ROBO2: variants seen among roughly 807,000 people sequenced by gnomAD.
The protein encoded by ROBO2 is roundabout homolog 2.
A neutral mutation model predicts 160.8 loss-of-function variants in ROBO2; 53 were observed. The ratio of observed to expected loss-of-function variants is 0.33; its 90% CI spans 0.26 to 0.41. The LOEUF is 0.41. Among genes scored for constraint, ROBO2 ranks in the 10% least tolerant of loss-of-function variants. The pLI, the probability that ROBO2 is intolerant of heterozygous loss-of-function variation, is 1.00. For missense variants in ROBO2, 1,577 were observed against 1,722.4 expected, an observed-to-expected ratio of 0.92 and a Z score of 1.49; for synonymous variants, 664 against 611.7, an observed-to-expected ratio of 1.09 and a Z score of -1.26.
chr3:77,098,568 C>T lies in ROBO2; in HGVS notation c.388+228C>T, dbSNP rs941696628. Among the ~76,000 whole-genome samples, 5 of 152,216 alleles carry T rather than the reference C, an allele frequency of 3.3e-5. No individual in the cohort carries two copies. In the South Asian group the frequency reaches 8.3e-4, roughly 25 times the overall value. ...CAATATGTTATTATAAGAAAGCAGGCCGGGCGCGGTGGCTCACGCCTGTAA... is the reference window on the plus strand; with the variant it reads ...CAATATGTTATTATAAGAAAGCAGGTCGGGCGCGGTGGCTCACGCCTGTAA... On this transcript the variant is annotated intron_variant, in intron 2 of 25. Transcript: ENST00000461745.
At chr3:77,344,202 A>G (rs1016929182) in intron 2 of ROBO2, among the ~76,000 whole-genome samples, 1 of 152,156 alleles carries the variant, frequency 6.6e-6, no homozygotes, top group Non-Finnish European at 1.5e-5. Flanking sequence ...GAATGACAAA[A>G]AAGAGTCAGC....
intron 2 of ROBO2, among the ~76,000 whole-genome samples, chr3:77,185,474 C>T (rs745316162): frequency 8.6e-5 from 13 of 151,892 alleles, no homozygotes; most frequent in Non-Finnish European, 1.3e-4. Flanking sequence ...TGTAATACCA[C>T]GTTAGTCCTG....
At chr3:76,030,384 ATCT>A (rs2066881483) in intron 2 of ROBO2, among the ~76,000 whole-genome samples, 1 of 151,974 alleles carries the variant, frequency 6.6e-6, no homozygotes, top group African/African-American at 2.4e-5. Flanking sequence ...GATCCCATTC[ATCT>A]ATCTTGGCTT....
intron 2 of ROBO2, among the ~76,000 whole-genome samples, chr3:77,425,960 G>A (rs576693997): frequency 1.3e-5 from 2 of 152,162 alleles, no homozygotes; most frequent in South Asian, 4.1e-4. Flanking sequence ...ACAGCGCCCA[G>A]CCCCTTAATA....
intron 2 of ROBO2, among the ~76,000 whole-genome samples, chr3:76,989,904 C>A (rs1227616368): frequency 6.6e-6 from 1 of 152,058 alleles, no homozygotes; most frequent in Non-Finnish European, 1.5e-5. Flanking sequence ...AGTTGTGTTT[C>A]TTTTACACTT....
At chr3:76,285,877 T>C (rs1258860209) in intron 2 of ROBO2, among the ~76,000 whole-genome samples, 1 of 152,198 alleles carries the variant, frequency 6.6e-6, no homozygotes, top group African/African-American at 2.4e-5. Flanking sequence ...GTTTTCCGTG[T>C]TCTTGTATAC....
intron 2 of ROBO2, among the ~76,000 whole-genome samples, chr3:76,178,469 C>G (rs1289254920): frequency 6.6e-6 from 1 of 152,022 alleles, no homozygotes; most frequent in Non-Finnish European, 1.5e-5. Flanking sequence ...TTTTGTGAAG[C>G]TTATTATACA....
At chr3:76,711,710 G>GT (rs1315342577) in intron 2 of ROBO2, among the ~76,000 whole-genome samples, 1 of 152,160 alleles carries the variant, frequency 6.6e-6, no homozygotes, top group Non-Finnish European at 1.5e-5. Context: ...GCAAGAGTCA[G>GT]TTTTCATCAT....
chr3:75,940,416 A>T (rs144541119), intron 2 of ROBO2, among the ~76,000 whole-genome samples: 1 of 152,128 alleles, frequency 6.6e-6, no homozygotes, highest in African/African-American at 2.4e-5. Context: ...AAGTAAGTCA[A>T]TGATCCTTGT....
At chr3:76,156,629 A>G (rs1370231678) in intron 2 of ROBO2, among the ~76,000 whole-genome samples, 1 of 152,248 alleles carries the variant, frequency 6.6e-6, no homozygotes, top group Non-Finnish European at 1.5e-5. Flanking sequence ...GCTCAATAAC[A>G]GCCTTAACAA....
At chr3:77,082,922 A>C (rs974303808) in intron 1 of ROBO2, among the ~76,000 whole-genome samples, 1 of 152,094 alleles carries the variant, frequency 6.6e-6, no homozygotes, top group Non-Finnish European at 1.5e-5. Context: ...ACTCACACCA[A>C]ATGGAAAAAA....
chr3:76,987,836 AT>A (rs982317133), intron 2 of ROBO2, among the ~76,000 whole-genome samples: 7 of 151,292 alleles, frequency 4.6e-5, no homozygotes, highest in Admixed American at 1.3e-4. Flanking sequence ...GTTTACGAGA[AT>A]TTTTTTTTGC....
chr3:76,115,958 G>T (rs879488477), intron 2 of ROBO2, among the ~76,000 whole-genome samples: 1 of 152,084 alleles, frequency 6.6e-6, no homozygotes, highest in African/African-American at 2.4e-5. Flanking sequence ...AAAATTTAAT[G>T]CAGACATTTT....
intron 2 of ROBO2, among the ~76,000 whole-genome samples, chr3:76,190,878 A>G (rs1162416547): frequency 6.6e-6 from 1 of 152,136 alleles, no homozygotes. Context: ...TTATTTAGGT[A>G]GTTAATTTAT....
At chr3:76,119,916 C>CCCTTCCTT (rs551169822) in intron 2 of ROBO2, among the ~76,000 whole-genome samples, 4,256 of 87,976 alleles carry the variant, frequency 0.048, 153 homozygotes, top group Middle Eastern at 0.065. Flanking sequence ...TTCCCTCCCT[C>CCCTTCCTT]CCTTCCTTCC....
chr3:76,928,795 G>A lies in ROBO2; in HGVS notation c.110-169219G>A, dbSNP rs138032790. 3.7e-3 allele frequency among the ~76,000 whole-genome samples: 570 copies of A among 152,288 alleles called. 3 individuals carry two copies. The highest frequency in any genetic ancestry group is 0.013 in the African/African-American group (538 of 41,568). On this transcript the variant is annotated intron_variant, in intron 2 of 26. Transcript: ENST00000487694. ...CTCCAGGAGAGCCCTGAGACTTTCT[G>A]TCTTTTCATTGTCTCTCACCTCCGT...
chr3:76,983,854 C>T (rs1365003982), intron 2 of ROBO2, among the ~76,000 whole-genome samples: 3 of 152,160 alleles, frequency 2.0e-5, no homozygotes, highest in African/African-American at 7.2e-5. Context: ...ATTAGTCTTT[C>T]CTCAGGCTGC....
chr3:76,221,122 T>C (rs569572694), intron 2 of ROBO2, among the ~76,000 whole-genome samples: 3 of 152,332 alleles, frequency 2.0e-5, no homozygotes, highest in African/African-American at 7.2e-5. Flanking sequence ...TCTGAATCAA[T>C]AACCCCAGGC....
intron 2 of ROBO2, among the ~76,000 whole-genome samples, chr3:76,840,676 A>ATATATATATATATAT (rs1559586498): frequency 7.2e-5 from 10 of 138,658 alleles, no homozygotes; most frequent in African/African-American, 2.7e-4. Flanking sequence ...TATATATATA[A>ATATATATATATATAT]GATGAAGTAA....
Sources: gnomAD v4.1 joint callset for allele counts (sites outside exome capture counted in the v4.1 genomes callset) on GRCh38, gnomAD v4.1.1 for gene constraint, MANE v1.5 for transcripts, NCBI Gene and HGNC (gene_info 2026-07-23, HGNC 2026-07-21) for gene names.